NRG1: variants seen among roughly 807,000 people sequenced by gnomAD.
The protein encoded by NRG1 is neuregulin 1.
A neutral mutation model predicts 63.8 loss-of-function variants in NRG1; 18 were observed. The observed-to-expected ratio is 0.28, with a 90% CI of 0.19 to 0.42. The LOEUF (loss-of-function observed/expected upper bound fraction) is 0.42. Among genes scored for constraint, NRG1 ranks in the 10% least tolerant of loss-of-function variants. NRG1 has a pLI of 1.00. For synonymous variants in NRG1, 302 were observed against 301.3 expected (o/e 1.00, Z -0.02); for missense variants, 762 against 814.7 (o/e 0.94, Z 0.79).
chr8:32,579,762 G>C (rs1023910307), intron 1 of NRG1, among the ~76,000 whole-genome samples: 3 of 152,164 alleles, frequency 2.0e-5, no homozygotes. Context: ...CACAAACTTT[G>C]AGGCTTAAAG....
At chr8:31,779,558 C>T (rs1392790213) in intron 1 of NRG1, among the ~76,000 whole-genome samples, 2 of 151,972 alleles carry the variant, frequency 1.3e-5, no homozygotes, top group African/African-American at 4.8e-5. Flanking sequence ...ATAGAAAAAG[C>T]AGTTGCTTTT....
At chr8:31,990,788 G>A (rs577963858) in intron 1 of NRG1, among the ~76,000 whole-genome samples, 19 of 152,124 alleles carry the variant, frequency 1.2e-4, no homozygotes, top group East Asian at 9.7e-4. Flanking sequence ...AGTTGGTTCT[G>A]GTTAAACTTT....
chr8:32,605,576 G>A (rs762008628), exon 3 of NRG1: 8 of 1,613,118 alleles, frequency 5.0e-6, no homozygotes, highest in South Asian at 1.1e-5. Context: ...TCAGAACTTC[G>A]CATTAACAAA....
intron 1 of NRG1, among the ~76,000 whole-genome samples, chr8:31,781,501 A>T (rs1387538717): frequency 8.5e-5 from 13 of 152,208 alleles, no homozygotes. Flanking sequence ...ACTCAAAAAC[A>T]TAAGACGTGT....
chr8:32,195,935 A>G (rs1385438001), intron 1 of NRG1, among the ~76,000 whole-genome samples: 1 of 152,188 alleles, frequency 6.6e-6, no homozygotes, highest in Non-Finnish European at 1.5e-5. Flanking sequence ...GTCCCTGGCA[A>G]TGTCAGATGA....
intron 1 of NRG1, among the ~76,000 whole-genome samples, chr8:32,322,355 T>TTATATATATATATATATATATATATA (rs149742517): frequency 5.6e-5 from 8 of 142,652 alleles, no homozygotes; most frequent in African/African-American, 2.1e-4. Flanking sequence ...CAACCTTATT[T>TTATATATATATATATATATATATATA]TATATATATA....
intron 1 of NRG1, among the ~76,000 whole-genome samples, chr8:32,342,070 T>C (rs570525990): frequency 6.6e-6 from 1 of 152,336 alleles, no homozygotes; most frequent in African/African-American, 2.4e-5. Context: ...CTCCTCTTTA[T>C]TTTTTATGAT....
intron 5 of NRG1, among the ~76,000 whole-genome samples, chr8:32,643,657 A>G (rs1320064909): frequency 6.6e-6 from 1 of 152,212 alleles, no homozygotes; most frequent in East Asian, 1.9e-4. Flanking sequence ...GGTTTGTTTC[A>G]CAGCAATACA....
chr8:31,695,791 T>C (rs1194379363), intron 1 of NRG1, among the ~76,000 whole-genome samples: 1 of 152,242 alleles, frequency 6.6e-6, no homozygotes, highest in African/African-American at 2.4e-5. Flanking sequence ...GTTTGAGCTC[T>C]TGTTATTTTT....
chr8:32,278,816 C>G (rs1852385392), intron 1 of NRG1, among the ~76,000 whole-genome samples: 1 of 152,312 alleles, frequency 6.6e-6, no homozygotes, highest in Admixed American at 6.5e-5. Flanking sequence ...AGATGAGTCC[C>G]TCTAAAGATG....
At chr8:32,671,853 A>G (rs1204015305) in intron 5 of NRG1, among the ~76,000 whole-genome samples, 1 of 152,206 alleles carries the variant, frequency 6.6e-6, no homozygotes, top group African/African-American at 2.4e-5. Flanking sequence ...TATTTATGTG[A>G]TTAGAAAATC....
At chr8:31,879,941 T>C (rs888027517) in intron 1 of NRG1, among the ~76,000 whole-genome samples, 6 of 152,242 alleles carry the variant, frequency 3.9e-5, no homozygotes, top group Non-Finnish European at 8.8e-5. Flanking sequence ...TACCACATGT[T>C]CTTTATCCAG....
At chr8:32,575,937 C>A (rs917796260) in intron 1 of NRG1, among the ~76,000 whole-genome samples, 10 of 152,118 alleles carry the variant, frequency 6.6e-5, no homozygotes, top group African/African-American at 2.2e-4. Flanking sequence ...CATAGGAATT[C>A]TCCAAAATAA....
chr8:31,813,511 CTTTTCT>C (rs1309703760), intron 1 of NRG1, among the ~76,000 whole-genome samples: 3 of 62,344 alleles, frequency 4.8e-5, no homozygotes, highest in African/African-American at 1.4e-4. Flanking sequence ...CTTTTCTTTT[CTTTTCT>C]TTTTTTTTTT....
rs571826167 is a variant in NRG1, at chr8:32,357,569, C to A, written c.38-238259C>A. Among the ~76,000 whole-genome samples, 16 of 152,306 alleles carry A rather than the reference C, an allele frequency of 1.1e-4. No homozygotes were observed. The South Asian group carries it at 3.3e-3, about 32-fold the overall frequency. On this transcript the variant is annotated intron_variant, in intron 1 of 10. Coordinates refer to the NRG1 transcript ENST00000519301. ...ATGTCCTGCTTTTACAAACCAAGAT[C>A]TAATTTGACATGATTACGTAATTGT...
At chr8:32,260,495 C>T (rs931259139) in intron 1 of NRG1, among the ~76,000 whole-genome samples, 1 of 152,194 alleles carries the variant, frequency 6.6e-6, no homozygotes, top group Non-Finnish European at 1.5e-5. Context: ...TCCTGACATT[C>T]TCCCTTCATC....
At chr8:32,616,146 A>G (rs1331337322) in intron 4 of NRG1, among the ~76,000 whole-genome samples, 2 of 151,948 alleles carry the variant, frequency 1.3e-5, no homozygotes, top group East Asian at 1.9e-4. Flanking sequence ...CATCCGTTCC[A>G]TGCTTTTTTC....
chr8:32,763,780 T>C, exon 12 of NRG1: 1 of 1,572,334 alleles, frequency 6.4e-7, no homozygotes, highest in Non-Finnish European at 8.6e-7. Context: ...CCGGCTCGTA[T>C]GTCACCTGTA....
chr8:32,405,581 C>T (rs1373384870), intron 1 of NRG1, among the ~76,000 whole-genome samples: 1 of 152,056 alleles, frequency 6.6e-6, no homozygotes, highest in Non-Finnish European at 1.5e-5. Context: ...TCTCTCCAAA[C>T]AACTGGTTAC....
Sources: gnomAD v4.1 joint callset for allele counts (sites outside exome capture counted in the v4.1 genomes callset) on GRCh38, gnomAD v4.1.1 for gene constraint, MANE v1.5 for transcripts, NCBI Gene and HGNC (gene_info 2026-07-23, HGNC 2026-07-21) for gene names.